Variants in KCNK10 observed in about 807,000 individuals in gnomAD.
KCNK10 encodes potassium channel subfamily K member 10.
KCNK10 carries 25 observed loss-of-function variants against 47.7 expected under a neutral mutation model. That is an observed-to-expected ratio of 0.52 (90% CI 0.38 to 0.73). The LOEUF (loss-of-function observed/expected upper bound fraction) is 0.73, where lower values mean the gene tolerates loss of function less well. KCNK10 is among the 30% of genes least tolerant of loss of function. The pLI is 0.00. For synonymous variants in KCNK10, 303 were observed against 285.6 expected (o/e 1.06, Z -0.61); for missense variants, 563 against 714.5 (o/e 0.79, Z 2.42).
At chr14:88,256,152 C>G (rs1886949549) in intron 2 of KCNK10, among the ~76,000 whole-genome samples, 1 of 152,194 alleles carries the variant, frequency 6.6e-6, no homozygotes, top group South Asian at 2.1e-4. Flanking sequence ...GGACATCAAA[C>G]TTGGTCCTAG....
chr14:88,297,061 G>C (rs28663549), intron 1 of KCNK10, among the ~76,000 whole-genome samples: 1,947 of 152,238 alleles, frequency 0.013, 53 homozygotes, highest in African/African-American at 0.045. Context: ...ATTTCTCTTG[G>C]AGAAACATAC....
chr14:88,249,777 T>C (rs1037335104), intron 2 of KCNK10, among the ~76,000 whole-genome samples: 1 of 152,106 alleles, frequency 6.6e-6, no homozygotes, highest in Non-Finnish European at 1.5e-5. Flanking sequence ...CTGTCCACAG[T>C]AAGCACCATG....
chr14:88,227,633 C>G (rs1171598020), intron 3 of KCNK10, 98 bp from the exon 4 acceptor site: 2 of 1,139,638 alleles, frequency 1.8e-6, no homozygotes, highest in Admixed American at 4.9e-5. Context: ...ATTCCCCCAC[C>G]TTATGAGCTT....
chr14:88,309,343 G>A (rs8017422), intron 1 of KCNK10, among the ~76,000 whole-genome samples: 34,199 of 152,116 alleles, frequency 0.22, 4,097 homozygotes, highest in East Asian at 0.32. Context: ...GGCTCACACC[G>A]GTAATTCCAG....
At chr14:88,267,165 G>A (rs1328146350) in intron 1 of KCNK10, among the ~76,000 whole-genome samples, 1 of 152,126 alleles carries the variant, frequency 6.6e-6, no homozygotes, top group Non-Finnish European at 1.5e-5. Context: ...GGGTTCTCAG[G>A]AACAGCAAAT....
intron 1 of KCNK10, among the ~76,000 whole-genome samples, chr14:88,272,399 G>A (rs1426001480): frequency 6.6e-6 from 1 of 152,102 alleles, no homozygotes; most frequent in Non-Finnish European, 1.5e-5. Flanking sequence ...AGAATGCAAA[G>A]ACAAGGTGCC....
intron 3 of KCNK10, among the ~76,000 whole-genome samples, chr14:88,234,665 C>T (rs567363221): frequency 2.0e-5 from 3 of 152,292 alleles, no homozygotes; most frequent in South Asian, 4.1e-4. Flanking sequence ...ACCAGGAGGG[C>T]GGGGGAGCCT....
intron 4 of KCNK10, among the ~76,000 whole-genome samples, chr14:88,202,389 T>C (rs888665040): frequency 6.6e-6 from 1 of 152,144 alleles, no homozygotes; most frequent in African/African-American, 2.4e-5. Context: ...AGAGACCTCC[T>C]CCCAGTACAG....
intron 1 of KCNK10, among the ~76,000 whole-genome samples, chr14:88,306,651 C>T (rs1888208457): frequency 6.8e-6 from 1 of 147,314 alleles, no homozygotes; most frequent in Admixed American, 6.7e-5. Context: ...AGGGATACAC[C>T]ATCTCATGTC....
intron 5 of KCNK10, 116 bp downstream of exon 5, chr14:88,192,108 A>G (rs1884766542): frequency 1.1e-6 from 1 of 950,720 alleles, no homozygotes; most frequent in Non-Finnish European, 1.6e-6. Context: ...CAGTAGTGAC[A>G]CTGAGTCATC....
Position 88,260,488 on chromosome 14 carries a change from A to G in KCNK10, c.402+2714T>C, listed in dbSNP as rs1461427066. ...AGAATGGACTAATACAGCATTCAAC[A>G]TAAAGCACAAGTTTAAAAGAGACTG... On this transcript the variant is annotated intron_variant, in intron 2 of 6. Coordinates refer to ENST00000319231, the MANE Select transcript of KCNK10 (RefSeq NM_138317.3). This position sits in a 1 kb window ranked among gnomAD's most constrained non-coding sequence, Gnocchi z 4.5. 6.6e-6 allele frequency among the ~76,000 whole-genome samples: 1 copy of G among 152,240 alleles called. No individual in the cohort carries two copies. Among genetic ancestry groups the G allele is most frequent in the Non-Finnish European group, 1.5e-5 (1 of 68,036 alleles).
intron 4 of KCNK10, among the ~76,000 whole-genome samples, chr14:88,210,603 C>T (rs1025107090): frequency 6.6e-6 from 1 of 152,128 alleles, no homozygotes; most frequent in Non-Finnish European, 1.5e-5. Context: ...GCTCTGCGCA[C>T]AGGGCCCAAG....
chr14:88,256,740 T>C (rs924656420), intron 2 of KCNK10, among the ~76,000 whole-genome samples: 3 of 152,196 alleles, frequency 2.0e-5, no homozygotes, highest in African/African-American at 7.2e-5. Flanking sequence ...CTCTTTTCCC[T>C]CAGCAGAACT....
At chr14:88,274,387 C>A (rs373738352) in intron 1 of KCNK10, among the ~76,000 whole-genome samples, 7 of 151,588 alleles carry the variant, frequency 4.6e-5, no homozygotes, top group African/African-American at 1.7e-4. Flanking sequence ...CATGCCAAAA[C>A]CCTGTCTCTA....
chr14:88,227,302 G>T, intron 4 of KCNK10, 73 bp downstream of exon 4: 1 of 1,196,610 alleles, frequency 8.4e-7, no homozygotes, highest in Non-Finnish European at 1.2e-6. Context: ...CCCTGATACT[G>T]CCTCCTGGAT....
chr14:88,231,388 C>A (rs1886156592), intron 3 of KCNK10, among the ~76,000 whole-genome samples: 1 of 152,200 alleles, frequency 6.6e-6, no homozygotes, highest in African/African-American at 2.4e-5. Context: ...GGCTGCCAGG[C>A]TAGTGACGCA....
intron 1 of KCNK10, among the ~76,000 whole-genome samples, chr14:88,290,086 C>T (rs1013305014): frequency 6.6e-6 from 1 of 152,142 alleles, no homozygotes; most frequent in African/African-American, 2.4e-5. Flanking sequence ...AACCTGTGAG[C>T]ACATTACTTT....
chr14:88,195,230 A>T (rs2139831142), intron 4 of KCNK10, among the ~76,000 whole-genome samples: 1 of 152,178 alleles, frequency 6.6e-6, no homozygotes, highest in South Asian at 2.1e-4. Context: ...TCCCAACCCC[A>T]CTGCTAAATA....
At chr14:88,206,016 T>C (rs956172524) in intron 4 of KCNK10, among the ~76,000 whole-genome samples, 42 of 152,200 alleles carry the variant, frequency 2.8e-4, no homozygotes, top group African/African-American at 1.0e-3. Flanking sequence ...TAGAAAGGTA[T>C]AGTCAGATGG....
Sources: gnomAD v4.1 joint callset for allele counts (sites outside exome capture counted in the v4.1 genomes callset) on GRCh38, gnomAD v4.1.1 for gene constraint, Gnocchi (gnomAD v3.1) non-coding constraint, MANE v1.5 for transcripts, NCBI Gene and HGNC (gene_info 2026-07-23, HGNC 2026-07-21) for gene names.